GDF5: variants seen among roughly 807,000 people sequenced by gnomAD.
GDF5 encodes the protein growth differentiation factor 5.
In GDF5, 17 loss-of-function variants were observed where a neutral mutation model predicts 34.6. The ratio of observed to expected loss-of-function variants is 0.49; its 90% CI spans 0.34 to 0.74. The LOEUF is 0.74. Among genes scored for constraint, GDF5 ranks in the 30% least tolerant of loss-of-function variants. The pLI is 0.01. For missense variants in GDF5, 616 were observed against 661.2 expected, an observed-to-expected ratio of 0.93 and a Z score of 0.75; for synonymous variants, 332 against 290.7, an observed-to-expected ratio of 1.14 and a Z score of -1.44.
intron 1 of GDF5, among the ~76,000 whole-genome samples, chr20:35,446,027 G>A (rs1464801378): frequency 6.6e-6 from 1 of 150,794 alleles, no homozygotes; most frequent in Non-Finnish European, 1.5e-5. Flanking sequence ...AAATAAATAA[G>A]CCAGGTGTGG....
rs1327315201 is a variant in GDF5, at chr20:35,448,589, G to A, written c.-398+6051C>T. ...CTTCCGAGCAGCTGGGATCACAGGT[G>A]CACGACACCAGGCCCGGCTAATTTG... On this transcript the variant is annotated intron_variant, in intron 1 of 3. Coordinates refer to the GDF5 transcript ENST00000374372. Among the ~76,000 whole-genome samples the A allele has an allele frequency of 4.0e-5, 6 of 151,734 alleles. 1 individual carries two copies. Among genetic ancestry groups the A allele is most frequent in the South Asian group, 2.1e-4 (1 of 4,806 alleles).
intron 1 of GDF5, among the ~76,000 whole-genome samples, chr20:35,448,445 CGA>C: frequency 8.5e-6 from 1 of 117,650 alleles, no homozygotes; most frequent in Middle Eastern, 4.8e-3. Flanking sequence ...AGGGCCCCCC[CGA>C]CTTTTTTTTT....
At chr20:35,453,025 G>A (rs895138176) in intron 1 of GDF5, among the ~76,000 whole-genome samples, 59 of 152,054 alleles carry the variant, frequency 3.9e-4, no homozygotes, top group East Asian at 7.8e-4. Flanking sequence ...TGAGGCGGGC[G>A]GATCACGAGG....
upstream of GDF5, among the ~76,000 whole-genome samples, chr20:35,439,884 A>C (rs142031096): frequency 5.1e-3 from 753 of 148,758 alleles, 3 homozygotes; most frequent in African/African-American, 8.5e-3. Flanking sequence ...GCGGGGGAGA[A>C]GCAATAGTCA....
At chr20:35,451,090 T>TAC (rs2062531785) in intron 1 of GDF5, among the ~76,000 whole-genome samples, 6 of 131,362 alleles carry the variant, frequency 4.6e-5, no homozygotes, top group African/African-American at 1.3e-4. Flanking sequence ...TATATATATA[T>TAC]ATACACAAAT....
chr20:35,437,573 G>C lies in GDF5; in HGVS notation c.356C>G (p.Ala119Gly). 1 of 1,614,168 alleles carries C rather than the reference G, an allele frequency of 6.2e-7. No homozygotes were observed. Among genetic ancestry groups the C allele is most frequent in the Non-Finnish European group, 8.5e-7 (1 of 1,180,030 alleles). The change falls in exon 1 of 2, where the codon GCC becomes GGC. Residue 119 changes from alanine (A) to glycine (G), a missense_variant. Ala to Gly is a moderately conservative substitution (Grantham distance 60). Transcript: ENST00000374369. ...CTGTCCTTTTGGGGTCACAGTCCGG[G>C]CTGTAGCCTGCCTTGTTTGGGGAGG... ...GHPPQTRQAT[A>G]RTVTPKGQLP...
intron 1 of GDF5, 117 bp from the exon 2 acceptor site, chr20:35,434,900 GC>G: frequency 9.2e-7 from 1 of 1,082,698 alleles, no homozygotes; most frequent in Non-Finnish European, 1.4e-6. Context: ...TTTCACCTCT[GC>G]CCCATTCTGA....
upstream of GDF5, chr20:35,438,358 T>TCTCACA: frequency 6.3e-6 from 1 of 158,868 alleles, no homozygotes; most frequent in South Asian, 1.3e-4. Context: ...TGAAAATACT[T>TCTCACA]CACACACACA....
rs762348699 is a variant in GDF5, at chr20:35,437,424, G to A, written c.505C>T (p.Pro169Ser). Residue 169 changes from proline to serine, a missense_variant, in exon 1 of 2, where the codon CCC (proline) becomes TCC (serine). Transcript: ENST00000374369. ...KEPFRPPPITPHEYMLSLYRT... is the reference protein window; with the variant it reads ...KEPFRPPPITSHEYMLSLYRT... ...TACAGCGAGAGCATGTACTCGTGGG[G>A]TGTGATGGGGGGTGGGCGAAACGGC... The A allele has an allele frequency of 1.2e-6, 2 of 1,613,584 alleles. No individual in the cohort carries two copies. Among genetic ancestry groups the A allele is most frequent in the African/African-American group, 1.3e-5 (1 of 74,930 alleles).
chr20:35,439,321 A>G (rs536794983), upstream of GDF5, among the ~76,000 whole-genome samples: 119 of 139,758 alleles, frequency 8.5e-4, no homozygotes, highest in Admixed American at 2.0e-3. Flanking sequence ...TCTGCCTCCC[A>G]GGTTCACGCC....
Position 35,437,964 on chromosome 20 carries a change from A to G in GDF5, c.-36T>C. 6.2e-7 allele frequency: 1 copy of G among 1,610,880 alleles called. No homozygotes were observed. ...GCCGCTGAATGACACCAAAGAGAAC[A>G]GCGGCAGCAGCGAAGGTGCCTCTGG... On this transcript the variant is annotated 5_prime_UTR_variant, in exon 1 of 2. Coordinates refer to ENST00000374369, the MANE Select transcript of GDF5 (RefSeq NM_000557.5).
At chr20:35,452,073 A>C (rs2062535606) in intron 1 of GDF5, among the ~76,000 whole-genome samples, 1 of 152,186 alleles carries the variant, frequency 6.6e-6, no homozygotes. Flanking sequence ...TGTGCATGCA[A>C]GGGATCTAGG....
chr20:35,433,939 G>A lies in GDF5; in HGVS notation c.1476C>T (p.Asp492=), dbSNP rs752107565. 8.1e-6 allele frequency: 13 copies of A among 1,613,918 alleles called. No individual in the cohort carries two copies. The East Asian group carries it at 1.3e-4, about 17-fold the overall frequency. Residue 492 remains aspartate, a synonymous_variant, in exon 2 of 2, where the codon GAC becomes GAT. Transcript: ENST00000374369. ...ANNVVYKQYE[D]MVVESCGCR ...TGCAGCCACACGACTCCACGACCATGTCCTCATACTGCTTATACACCACGT... is the reference window on the plus strand; with the variant it reads ...TGCAGCCACACGACTCCACGACCATATCCTCATACTGCTTATACACCACGT...
In GDF5 at chr20:35,434,769, C is replaced by T; in HGVS notation, c.646G>A (p.Val216Met). ...AACACGTACCTCTGCTTCCTGACCACGGGACCTCGGTCATCTAGAGAGAAC... is the reference window on the plus strand; with the variant it reads ...AACACGTACCTCTGCTTCCTGACCATGGGACCTCGGTCATCTAGAGAGAAC... ...IDKGQDDRGPVVRKQRYVFDI... is the reference protein window; with the variant it reads ...IDKGQDDRGPMVRKQRYVFDI... Residue 216 changes from valine to methionine, a missense_variant, in exon 2 of 2, where the codon GTG (valine) becomes ATG (methionine). Val to Met is a conservative substitution (Grantham distance 21, BLOSUM62 1). Transcript: ENST00000374369. 6.2e-7 allele frequency: 1 copy of T among 1,611,452 alleles called. No individual in the cohort carries two copies. Among genetic ancestry groups the T allele is most frequent in the Non-Finnish European group, 8.5e-7 (1 of 1,179,942 alleles).
chr20:35,451,050 A>ATATAT lies in GDF5; in HGVS notation c.-398+3589_-398+3590insATATA, dbSNP rs1289781571. Among the ~76,000 whole-genome samples, 518 of 57,486 alleles carry ATATAT rather than the reference A, an allele frequency of 9.0e-3. 52 individuals are homozygous for ATATAT. The highest frequency in any genetic ancestry group is 0.017 in the African/African-American group (207 of 12,208). 37.7% of individuals were successfully genotyped at this position (57,486 alleles called of 152,430 possible). A position where few individuals can be genotyped will look rare whatever the true frequency, so the allele number is the denominator to read the frequency against. On this transcript the variant is annotated intron_variant, in intron 1 of 3. Transcript: ENST00000374372. ...CAGATTTTAGACTAACAGAAAAAAA[A>ATATAT]AAAAAAAAAAAAAAATATATATATA...
At chr20:35,444,606 T>G (rs1280478336) in intron 1 of GDF5, among the ~76,000 whole-genome samples, 1 of 152,088 alleles carries the variant, frequency 6.6e-6, no homozygotes, top group East Asian at 1.9e-4. Flanking sequence ...TTTCTTTTGT[T>G]TTTTTGAGAC....
At chr20:35,435,476 A>T (rs1384561364) in intron 1 of GDF5, 7 of 147,132 alleles carry the variant, frequency 4.8e-5, no homozygotes, top group African/African-American at 1.8e-4. Flanking sequence ...AAAAAAAAAA[A>T]AAAAAAAAAA....
chr20:35,450,140 T>C (rs1027089159), intron 1 of GDF5, among the ~76,000 whole-genome samples: 3 of 142,322 alleles, frequency 2.1e-5, no homozygotes, highest in African/African-American at 7.8e-5. Context: ...CCATCTCTAC[T>C]GAAAAAAAAA....
At position 35,433,832 on chromosome 20, in the gene GDF5, T is replaced by G. The variant is rs757634642; in HGVS notation, c.*77A>C. ...TGTAGATGCTCCTGCCACAGCTTCC[T>G]GACCCCTCTGTGATTCCAGGAGTGC... On this transcript the variant is annotated 3_prime_UTR_variant, in exon 2 of 2. Coordinates refer to ENST00000374369, the MANE Select transcript of GDF5 (RefSeq NM_000557.5). The G allele has an allele frequency of 5.9e-5, 73 of 1,232,398 alleles. No homozygotes were observed. Among genetic ancestry groups the G allele is most frequent in the Non-Finnish European group, 8.5e-5 (71 of 834,486 alleles). The allele number at this position is 1,232,398 out of a possible 1,614,324, so 76.3% of individuals were successfully genotyped here. A position where few individuals can be genotyped will look rare whatever the true frequency, so the allele number is the denominator to read the frequency against.
Sources: allele counts gnomAD v4.1 joint callset (sites outside exome capture counted in the v4.1 genomes callset), GRCh38; gene constraint gnomAD v4.1.1; transcripts MANE v1.5; gene names NCBI Gene and HGNC (gene_info 2026-07-23, HGNC 2026-07-21).